SAMD11: variants seen among roughly 807,000 people sequenced by gnomAD.
SAMD11 encodes sterile alpha motif domain containing 11.
SAMD11 carries 77 observed loss-of-function variants against 64.4 expected under a neutral mutation model. That is an observed-to-expected ratio of 1.20 (90% CI 0.99 to 1.44). The LOEUF (loss-of-function observed/expected upper bound fraction) is 1.44, where lower values mean the gene tolerates loss of function less well. SAMD11 is among the 40% of genes most tolerant of loss of function. The probability of loss-of-function intolerance (pLI) is 0.00; values close to 1 mark genes in which losing one functional copy is unlikely to be tolerated. For synonymous variants in SAMD11, 658 were observed against 421.9 expected, an observed-to-expected ratio of 1.56 and a Z score of -6.86; for missense variants, 1,402 against 943.3, an observed-to-expected ratio of 1.49 and a Z score of -6.37.
rs764052573 is a variant in SAMD11 at position 943,913 on chromosome 1, C to G, written c.2295C>G (p.Ala765=). Residue 765 remains alanine (A), a synonymous_variant, in exon 14 of 14, where the codon GCC becomes GCG. Transcript: ENST00000616016. ...ACCAGGCCATCTCTCTGCAGGTGGC[C>G]AGGCGCCTGGGCCGAGTTTTCTACG... The part of the protein sequence containing the change: ...GPALKIRAQV[A]RRLGRVFYVA... 3 of 1,612,782 alleles carry G rather than the reference C, an allele frequency of 1.9e-6. No homozygotes were observed. The highest frequency in any genetic ancestry group is 2.5e-6 in the Non-Finnish European group (3 of 1,179,860).
At chr1:926,591 C>A (rs975528628) in intron 2 of SAMD11, among the ~76,000 whole-genome samples, 9 of 152,082 alleles carry the variant, frequency 5.9e-5, no homozygotes, top group Non-Finnish European at 1.2e-4. Flanking sequence ...GAACTGGAGT[C>A]GGAGGCTGGT....
chr1:941,131 GT>G lies in SAMD11; in HGVS notation c.1196-12del, dbSNP rs1641740728. On this transcript the variant is annotated splice_polypyrimidine_tract_variant and intron_variant, in intron 7 of 13. Transcript: ENST00000616016. ...CATAGCCGGGGGGATCACTGCTGTT[GT>G]CCCCCACCCAGATCTCCTGAGGGTC... 1 of 1,589,746 alleles carries G rather than the reference GT, an allele frequency of 6.3e-7. No homozygotes were observed. Among genetic ancestry groups the G allele is most frequent in the Non-Finnish European group, 8.6e-7 (1 of 1,169,048 alleles).
intron 11 of SAMD11, 71 bp downstream of exon 11, chr1:943,129 G>A (rs924585728): frequency 5.7e-6 from 9 of 1,571,992 alleles, no homozygotes; most frequent in Non-Finnish European, 7.8e-6. Flanking sequence ...AAGGGTCTTG[G>A]GGGGAGGAAA....
rs769656866 is a variant in SAMD11, at chr1:943,796, G to T, written c.2277G>T (p.Lys759Asn). The part of the protein sequence containing the change: ...NMGLKLGPAL[K>N]IRAQVARRLG... Reference sequence around the variant, plus strand: ...GGCTGAAGCTGGGGCCCGCCCTCAAGATCCGGGCCCAGGTGAGACGCTGGG... The same window carrying T: ...GGCTGAAGCTGGGGCCCGCCCTCAATATCCGGGCCCAGGTGAGACGCTGGG... Residue 759 changes from lysine (K) to asparagine (N), a missense_variant, in exon 13 of 14, where the codon AAG becomes AAT. Coordinates refer to ENST00000616016, the MANE Select transcript of SAMD11 (RefSeq NM_001385641.1). The T allele has an allele frequency of 4.3e-6, 7 of 1,612,640 alleles. No individual in the cohort carries two copies. The highest frequency in any genetic ancestry group is 5.1e-6 in the Non-Finnish European group (6 of 1,179,964).
chr1:942,012 G>T, intron 8 of SAMD11, 124 bp from the exon 9 acceptor site: 2 of 411,344 alleles, frequency 4.9e-6, no homozygotes, highest in Non-Finnish European at 8.6e-6. Context: ...ACCTGGGGCC[G>T]TAACGAGCTG....
Position 940,296 on chromosome 1 carries a change from G to GCCCCCCCCCCCCCCC in SAMD11, c.1196-836_1196-835insCCCCCCCCCCCCCCC, listed in dbSNP as rs552305601. The GCCCCCCCCCCCCCCC allele has an allele frequency of 2.4e-4, 31 of 131,462 alleles. 2 individuals are homozygous for GCCCCCCCCCCCCCCC. The highest frequency in any genetic ancestry group is 9.6e-4 in the Admixed American group (12 of 12,466). The allele number at this position is 131,462 out of a possible 1,614,324, so 8.1% of individuals were successfully genotyped here. Reference sequence around the variant, plus strand: ...GCGCTGTCAATCAGGCCGCGCCGCCGCCCCCCCCCCCCGCCCCGCCGCGGA... The same window carrying GCCCCCCCCCCCCCCC: ...GCGCTGTCAATCAGGCCGCGCCGCCGCCCCCCCCCCCCCCCCCCCCCCCCCCCGCCCCGCCGCGGA... On this transcript the variant is annotated intron_variant, in intron 7 of 13. Coordinates refer to ENST00000616016, the MANE Select transcript of SAMD11 (RefSeq NM_001385641.1).
intron 8 of SAMD11, 82 bp from the exon 9 acceptor site, chr1:942,054 C>A: frequency 4.4e-6 from 2 of 454,596 alleles, no homozygotes; most frequent in South Asian, 8.0e-5. Flanking sequence ...CGGCAATTAG[C>A]GGAGGCGGCG....
chr1:930,509 C>G (rs969211994), intron 3 of SAMD11, among the ~76,000 whole-genome samples, 173 bp downstream of exon 3: 5 of 152,156 alleles, frequency 3.3e-5, no homozygotes, highest in Non-Finnish European at 7.4e-5. Context: ...CTCATCTGCC[C>G]CCTGTCTGGC....
chr1:943,690 C>A lies in SAMD11; in HGVS notation c.2179-8C>A, dbSNP rs974960612. The A allele has an allele frequency of 2.6e-6, 4 of 1,560,210 alleles. No individual in the cohort carries two copies. The highest frequency in any genetic ancestry group is 2.3e-4 in the Middle Eastern group (1 of 4,284). On this transcript the variant is annotated splice_polypyrimidine_tract_variant and splice_region_variant and intron_variant, in intron 12 of 13. Coordinates refer to ENST00000616016, the MANE Select transcript of SAMD11 (RefSeq NM_001385641.1). The stretch of plus-strand genomic sequence containing the variant: ...CGGGTCCTGACCCTCCCTCCCTCCC[C>A]CTTCCAGGTCTTCAGGGAGCAGGGG...
intron 8 of SAMD11, 56 bp from the exon 9 acceptor site, chr1:942,080 G>C (rs565011260): frequency 1.9e-6 from 1 of 518,844 alleles, no homozygotes; most frequent in South Asian, 3.1e-5. Flanking sequence ...GGGGCGCCGG[G>C]GCCTTTACGG....
At chr1:932,177 A>G (rs1557602493) in intron 4 of SAMD11, among the ~76,000 whole-genome samples, 2 of 152,230 alleles carry the variant, frequency 1.3e-5, no homozygotes, top group Admixed American at 6.5e-5. Context: ...TGTCATGAAC[A>G]CTGATGACAT....
At chr1:929,443 G>A (rs1171384557) in intron 2 of SAMD11, among the ~76,000 whole-genome samples, 1 of 152,224 alleles carries the variant, frequency 6.6e-6, no homozygotes, top group Admixed American at 6.5e-5. Context: ...AGTCTGCGAG[G>A]GTTCAGCTCA....
rs773558362 is a variant in SAMD11, at chr1:943,815, C to T, written c.2289+7C>T. The T allele has an allele frequency of 5.4e-5, 87 of 1,612,740 alleles. No homozygotes were observed. The Admixed American group carries it at 6.5e-4, about 12-fold the overall frequency. On this transcript the variant is annotated splice_region_variant and intron_variant, in intron 13 of 13. Transcript: ENST00000616016. The stretch of plus-strand genomic sequence containing the variant: ...CCTCAAGATCCGGGCCCAGGTGAGA[C>T]GCTGGGGAGTGAGGTCAGGGTCTCC...
intron 4 of SAMD11, among the ~76,000 whole-genome samples, chr1:934,049 G>GTTACAGGTGGGCGGGGGAGGCTGCTC: frequency 1.6e-5 from 1 of 61,556 alleles, no homozygotes; most frequent in African/African-American, 1.4e-4. Flanking sequence ...GGAGGCGGCT[G>GTTACAGGTGGGCGGGGGAGGCTGCTC]CGTTACAGGT....
At chr1:928,203 C>A (rs569026099) in intron 2 of SAMD11, among the ~76,000 whole-genome samples, 96 of 150,048 alleles carry the variant, frequency 6.4e-4, no homozygotes, top group Non-Finnish European at 1.0e-3. Context: ...ACCATCCTGA[C>A]TAACACGGTG....
rs746226728 is a variant in SAMD11, at chr1:941,356, C to T, written c.1358+50C>T. 6.2e-6 allele frequency: 9 copies of T among 1,453,762 alleles called. No homozygotes were observed. In the East Asian group the frequency reaches 2.0e-4, roughly 32 times the overall value. 90.1% of individuals were successfully genotyped at this position (1,453,762 alleles called of 1,614,324 possible). A position where few individuals can be genotyped will look rare whatever the true frequency, so the allele number is the denominator to read the frequency against. ...GCTTGTTTCTGGGGTGCCGCCCGCA[C>T]CCCCGCGCTCTCAGCCACCAGCACG... On this transcript the variant is annotated intron_variant, in intron 8 of 13. Transcript: ENST00000616016.
In SAMD11 at chr1:941,365, T is replaced by G. The variant is rs573931015; in HGVS notation, c.1358+59T>G. 191 of 1,421,726 alleles carry G rather than the reference T, an allele frequency of 1.3e-4. No homozygotes were observed. In the African/African-American group the frequency reaches 2.5e-3, roughly 19 times the overall value. The allele number at this position is 1,421,726 out of a possible 1,614,324, so 88.1% of individuals were successfully genotyped here. ...TGGGGTGCCGCCCGCACCCCCGCGCTCTCAGCCACCAGCACGCGCCCCGAG... is the reference window on the plus strand; with the variant it reads ...TGGGGTGCCGCCCGCACCCCCGCGCGCTCAGCCACCAGCACGCGCCCCGAG... On this transcript the variant is annotated intron_variant, in intron 8 of 13. Coordinates refer to ENST00000616016, the MANE Select transcript of SAMD11 (RefSeq NM_001385641.1).
chr1:944,293 A>G lies in SAMD11; in HGVS notation c.*140A>G, dbSNP rs564003453. 7.3e-4 allele frequency: 1,033 copies of G among 1,417,004 alleles called. 12 individuals are homozygous for G. The African/African-American group carries it at 0.014, about 19-fold the overall frequency. The allele number at this position is 1,417,004 out of a possible 1,614,324, so 87.8% of individuals were successfully genotyped here. A position where few individuals can be genotyped will look rare whatever the true frequency, so the allele number is the denominator to read the frequency against. Reference sequence around the variant, plus strand: ...TTAAAAGAAAATGTGACTTCAAAGGAAAGGAACAAATTTTCAAAGACTTGG... The same window carrying G: ...TTAAAAGAAAATGTGACTTCAAAGGGAAGGAACAAATTTTCAAAGACTTGG... On this transcript the variant is annotated 3_prime_UTR_variant, in exon 14 of 14. Transcript: ENST00000616016.
At chr1:928,194 C>CT (rs1640991723) in intron 2 of SAMD11, among the ~76,000 whole-genome samples, 1 of 151,912 alleles carries the variant, frequency 6.6e-6, no homozygotes, top group South Asian at 2.1e-4. Flanking sequence ...GAGATCGAGA[C>CT]CATCCTGACT....
Sources: allele counts gnomAD v4.1 joint callset (sites outside exome capture counted in the v4.1 genomes callset), GRCh38; gene constraint gnomAD v4.1.1; transcripts MANE v1.5; gene names NCBI Gene and HGNC (gene_info 2026-07-23, HGNC 2026-07-21).